Variants in ZZZ3 observed in about 807,000 individuals in gnomAD.
ZZZ3 encodes ZZ-type zinc finger-containing protein 3.
A neutral mutation model predicts 95.2 loss-of-function variants in ZZZ3; 22 were observed. That is an observed-to-expected ratio of 0.23 (90% confidence interval 0.17 to 0.33). The LOEUF (loss-of-function observed/expected upper bound fraction) is 0.33, where lower values mean the gene tolerates loss of function less well. Among genes scored for constraint, ZZZ3 ranks in the 10% least tolerant of loss-of-function variants. The pLI, the probability that ZZZ3 is intolerant of heterozygous loss-of-function variation, is 1.00. For synonymous variants in ZZZ3, 335 were observed against 358.9 expected (o/e 0.93, Z 0.75); for missense variants, 885 against 1,066.5 (o/e 0.83, Z 2.37).
At chr1:77,651,063 C>A in intron 1 of ZZZ3, among the ~76,000 whole-genome samples, 1 of 152,094 alleles carries the variant, frequency 6.6e-6, no homozygotes, top group East Asian at 1.9e-4. Flanking sequence ...TTAGGATGAA[C>A]CAAAGACCTA....
In ZZZ3 at chr1:77,564,030, T is replaced by G. The variant is rs1446760820; in HGVS notation, c.*1610A>C. On this transcript the variant is annotated 3_prime_UTR_variant, in exon 15 of 15. Coordinates refer to ENST00000370801, the MANE Select transcript of ZZZ3 (RefSeq NM_015534.6). ...TTGATTTAAAATAGGAAAAAACAGG[T>G]GATTCTAAAAATTGGGTCAAATATA... is the stretch of plus-strand genomic sequence containing the variant. 1 of 152,046 alleles carries G rather than the reference T, an allele frequency of 6.6e-6. No individual in the cohort carries two copies. Among genetic ancestry groups the G allele is most frequent in the Non-Finnish European group, 1.5e-5 (1 of 67,972 alleles). 9.4% of individuals were successfully genotyped at this position (152,046 alleles called of 1,614,324 possible).
At chr1:77,647,155 A>T (rs1403346816) in intron 1 of ZZZ3, among the ~76,000 whole-genome samples, 1 of 152,214 alleles carries the variant, frequency 6.6e-6, no homozygotes, top group Admixed American at 6.5e-5. Context: ...AGCTACTGAC[A>T]TATCAGTGAA....
intron 5 of ZZZ3, among the ~76,000 whole-genome samples, chr1:77,600,107 T>C (rs1664588790): frequency 7.0e-6 from 1 of 142,662 alleles, no homozygotes; most frequent in Non-Finnish European, 1.5e-5. Flanking sequence ...GTGCACAATA[T>C]GTATATGTCC....
At chr1:77,682,249 G>A (rs1478434430) in intron 1 of ZZZ3, among the ~76,000 whole-genome samples, 2 of 152,118 alleles carry the variant, frequency 1.3e-5, no homozygotes, top group African/African-American at 4.8e-5. Context: ...ATAGTTAACC[G>A]GTCTGGAATA....
At chr1:77,569,211 C>A (rs1317954548) in intron 12 of ZZZ3, among the ~76,000 whole-genome samples, 2 of 152,174 alleles carry the variant, frequency 1.3e-5, no homozygotes, top group East Asian at 3.8e-4. Flanking sequence ...GTGGCACGCA[C>A]CTGTAATACC....
Position 77,632,142 on chromosome 1 carries a change from A to G in ZZZ3, c.1213T>C (p.Phe405Leu). ...NSSPYRENGQFEENNLSPNET... is the reference protein window; with the variant it reads ...NSSPYRENGQLEENNLSPNET... ...TTAGGACTAAGATTATTCTCCTCAA[A>G]TTGTCCATTTTCTCTGTAAGGAGAA... Residue 405 changes from phenylalanine to leucine, a missense_variant, in exon 5 of 15, where the codon TTT (phenylalanine) becomes CTT (leucine). Coordinates refer to ENST00000370801, the MANE Select transcript of ZZZ3 (RefSeq NM_015534.6). The G allele has an allele frequency of 3.1e-6, 5 of 1,614,128 alleles. No homozygotes were observed. Among genetic ancestry groups the G allele is most frequent in the Non-Finnish European group, 4.2e-6 (5 of 1,180,004 alleles).
chr1:77,675,599 CT>C (rs34838226), intron 1 of ZZZ3, among the ~76,000 whole-genome samples: 131 of 146,148 alleles, frequency 9.0e-4, no homozygotes, highest in Non-Finnish European at 1.0e-3. Flanking sequence ...ACAGGACACA[CT>C]TTTTTTTTTT....
intron 12 of ZZZ3, among the ~76,000 whole-genome samples, chr1:77,569,681 C>A (rs1433313667): frequency 1.3e-5 from 2 of 152,148 alleles, no homozygotes; most frequent in African/African-American, 4.8e-5. Context: ...ATACCTTGGA[C>A]CTTGCCTTCA....
intron 1 of ZZZ3, among the ~76,000 whole-genome samples, chr1:77,659,984 C>T (rs1670641344): frequency 6.6e-6 from 1 of 152,044 alleles, no homozygotes; most frequent in Admixed American, 6.6e-5. Context: ...AGGGGCTTGC[C>T]ACCACACCCA....
chr1:77,671,010 G>C (rs1363301217), intron 1 of ZZZ3, among the ~76,000 whole-genome samples: 1 of 151,334 alleles, frequency 6.6e-6, no homozygotes. Flanking sequence ...GTTTTTTTGG[G>C]GGGGTGGTGG....
Position 77,639,593 on chromosome 1 carries a change from C to A in ZZZ3, c.-196G>T. ...CAGCCATGAAGAATACTAGAACCTC[C>A]TAAATTTTTCTTTAAAATAAAATAA... is the stretch of plus-strand genomic sequence containing the variant. On this transcript the variant is annotated 5_prime_UTR_variant, in exon 4 of 15. The change creates a new upstream start codon in the 5' untranslated region. Transcript: ENST00000370801. 3.6e-6 allele frequency: 2 copies of A among 553,346 alleles called. No homozygotes were observed. Among genetic ancestry groups the A allele is most frequent in the Non-Finnish European group, 2.8e-6 (1 of 352,112 alleles). 34.3% of individuals were successfully genotyped at this position (553,346 alleles called of 1,614,324 possible).
chr1:77,674,717 C>T (rs974452650), intron 1 of ZZZ3, among the ~76,000 whole-genome samples: 16 of 152,044 alleles, frequency 1.1e-4, no homozygotes, highest in African/African-American at 1.7e-4. Flanking sequence ...TTTCGGAGGC[C>T]GAGGTGGGCA....
chr1:77,603,556 C>T (rs553867060), intron 5 of ZZZ3, among the ~76,000 whole-genome samples: 32 of 152,232 alleles, frequency 2.1e-4, no homozygotes, highest in Admixed American at 6.5e-4. Flanking sequence ...TTTCCCAAAG[C>T]GGTGTAAGGA....
intron 1 of ZZZ3, among the ~76,000 whole-genome samples, chr1:77,671,436 C>T (rs1419379461): frequency 2.0e-5 from 3 of 152,064 alleles, no homozygotes; most frequent in African/African-American, 7.2e-5. Context: ...GGCACTGAAA[C>T]AAGGAAGGAC....
chr1:77,621,460 GAAGA>G (rs908338177), intron 5 of ZZZ3, among the ~76,000 whole-genome samples: 4 of 145,930 alleles, frequency 2.7e-5, no homozygotes, highest in African/African-American at 1.0e-4. Context: ...AAAATCCAGT[GAAGA>G]AAGAGTTTGG....
At chr1:77,619,812 T>C (rs1459072211) in intron 5 of ZZZ3, among the ~76,000 whole-genome samples, 3 of 152,198 alleles carry the variant, frequency 2.0e-5, no homozygotes, top group Non-Finnish European at 4.4e-5. Context: ...ATCGCATATT[T>C]TTCTTTCGAA....
intron 5 of ZZZ3, among the ~76,000 whole-genome samples, chr1:77,630,683 C>G (rs1325119990): frequency 6.6e-6 from 1 of 152,056 alleles, no homozygotes; most frequent in Admixed American, 6.6e-5. Flanking sequence ...CTATCAAATA[C>G]AATATTAAGA....
chr1:77,619,795 T>C (rs750162290), intron 5 of ZZZ3, among the ~76,000 whole-genome samples: 14 of 152,134 alleles, frequency 9.2e-5, no homozygotes, highest in Non-Finnish European at 1.9e-4. Context: ...ACCATATGAA[T>C]GATGATATCG....
At chr1:77,648,959 T>C (rs893827610) in intron 1 of ZZZ3, among the ~76,000 whole-genome samples, 1 of 151,966 alleles carries the variant, frequency 6.6e-6, no homozygotes, top group African/African-American at 2.4e-5. Flanking sequence ...AAATCCCATA[T>C]CTACTAAAAA....
Sources: gnomAD v4.1 joint callset for allele counts (sites outside exome capture counted in the v4.1 genomes callset) on GRCh38, gnomAD v4.1.1 for gene constraint, MANE v1.5 for transcripts, NCBI Gene and HGNC (gene_info 2026-07-23, HGNC 2026-07-21) for gene names.